HS6ST2: variants seen among roughly 807,000 people sequenced by gnomAD.
HS6ST2 encodes the protein heparan-sulfate 6-O-sulfotransferase 2.
Under a neutral mutation model 33.0 loss-of-function variants are expected in HS6ST2, and 17 were observed. That is an observed-to-expected ratio of 0.52 (90% CI 0.35 to 0.77). The LOEUF (loss-of-function observed/expected upper bound fraction) is 0.77. HS6ST2 is among the 30% of genes least tolerant of loss of function. HS6ST2 has a pLI of 0.01. For synonymous variants in HS6ST2, 248 were observed against 237.1 expected (o/e 1.05, Z -0.42); for missense variants, 519 against 551.7 (o/e 0.94, Z 0.59).
At position 132,958,591 on chromosome X, in the gene HS6ST2, A is replaced by G. The variant is rs932213425; in HGVS notation, c.12T>C (p.Pro4=). The G allele has an allele frequency of 9.4e-6, 11 of 1,170,841 alleles. No homozygotes were observed. Among genetic ancestry groups the G allele is most frequent in the African/African-American group, 1.8e-5 (1 of 56,359 alleles). Residue 4 remains proline, a synonymous_variant, in exon 1 of 5, where the codon CCT becomes CCC. Transcript: ENST00000370833. MAL[P]ACAVREFEPP... is the part of the protein sequence containing the mutation. ...GCTCGAACTCCCGGACTGCACACGC[A>G]GGCAGTGCCATTCCCCCCTTCAGGC...
At position 132,628,510 on chromosome X, in the gene HS6ST2, T is replaced by A. The variant is rs1329431081; in HGVS notation, c.1651A>T (p.Arg551Trp). ...FMRQKEHQEA[R>W]RKRQEQRKFL... Reference sequence around the variant, plus strand: ...TTGCGTTGTTCCTGACGCTTTCGCCTGGCCTCCTGATGCTCTTTCTGCCTC... The same window carrying A: ...TTGCGTTGTTCCTGACGCTTTCGCCAGGCCTCCTGATGCTCTTTCTGCCTC... The change falls in exon 5 of 5, where the codon AGG becomes TGG. Residue 551 changes from arginine (R) to tryptophan (W), a missense_variant. Transcript: ENST00000370833. 2 of 1,211,515 alleles carry A rather than the reference T, an allele frequency of 1.7e-6. No individual in the cohort carries two copies. The highest frequency in any genetic ancestry group is 4.3e-5 in the Admixed American group (2 of 46,013).
At chrX:132,932,200 A>C (rs1602893868) in intron 2 of HS6ST2, among the ~76,000 whole-genome samples, 1 of 108,981 alleles carries the variant, frequency 9.2e-6, no homozygotes, top group African/African-American at 3.3e-5. Flanking sequence ...AAAAAAAAAA[A>C]ATACCCCAGC....
At chrX:132,667,705 G>A (rs752196634) in intron 4 of HS6ST2, 192 of 112,400 alleles carry the variant, frequency 1.7e-3, no homozygotes, top group African/African-American at 5.9e-3. Flanking sequence ...TGGAGATTGT[G>A]CCCTGTGGTT....
chrX:132,898,076 C>T lies in HS6ST2; in HGVS notation c.947+58732G>A, dbSNP rs143461050. On this transcript the variant is annotated intron_variant, in intron 2 of 4. Transcript: ENST00000370833. ...CATTAGATTCTTATAGGAGTGCCAA[C>T]CCTATTGTGAACTCTGCATGCAACG... Among the ~76,000 whole-genome samples, 508 of 109,977 alleles carry T rather than the reference C, an allele frequency of 4.6e-3. 3 individuals are homozygous for T. The highest frequency in any genetic ancestry group is 0.016 in the African/African-American group (479 of 30,256).
At chrX:132,783,595 A>G (rs1468093829) in intron 2 of HS6ST2, among the ~76,000 whole-genome samples, 2 of 110,719 alleles carry the variant, frequency 1.8e-5, no homozygotes, top group African/African-American at 6.6e-5. Flanking sequence ...TTTCCTCAAC[A>G]ATAGCTTTCT....
At chrX:132,765,642 G>A (rs1268951225) in intron 2 of HS6ST2, among the ~76,000 whole-genome samples, 1 of 110,469 alleles carries the variant, frequency 9.1e-6, no homozygotes, top group Non-Finnish European at 1.9e-5. Context: ...GTAAAGACAC[G>A]GTCTCATATT....
rs192296693 is a variant in HS6ST2 at position 132,758,867 on chromosome X, C to T, written c.948-50373G>A. ...CCCCTCCTTTCCCCTTTTCAGCTGACTCATCAAGCCTGTCTCGTCTGCACA... is the reference window on the plus strand; with the variant it reads ...CCCCTCCTTTCCCCTTTTCAGCTGATTCATCAAGCCTGTCTCGTCTGCACA... On this transcript the variant is annotated intron_variant, in intron 2 of 4. Transcript: ENST00000370833. Among the ~76,000 whole-genome samples, 37 of 111,902 alleles carry T rather than the reference C, an allele frequency of 3.3e-4. No individual in the cohort carries two copies. The Middle Eastern group carries it at 0.014, about 42-fold the overall frequency.
At chrX:132,637,943 T>A (rs1452810257) in intron 4 of HS6ST2, among the ~76,000 whole-genome samples, 1 of 72,861 alleles carries the variant, frequency 1.4e-5, no homozygotes, top group Non-Finnish European at 2.5e-5. Context: ...ATATAATATT[T>A]TATATATAAT....
At chrX:132,839,272 G>GTATATATATA (rs748319681) in intron 2 of HS6ST2, among the ~76,000 whole-genome samples, 45 of 62,770 alleles carry the variant, frequency 7.2e-4, no homozygotes, top group East Asian at 1.4e-3. Context: ...TGTAGTGTGT[G>GTATATATATA]TATATATATA....
At chrX:132,722,077 A>G (rs1192332485) in intron 2 of HS6ST2, among the ~76,000 whole-genome samples, 2 of 107,692 alleles carry the variant, frequency 1.9e-5, no homozygotes. Flanking sequence ...AGTCCCAGCT[A>G]CTTGGGAGGC....
At chrX:132,680,095 G>C (rs1428537632) in intron 3 of HS6ST2, among the ~76,000 whole-genome samples, 2 of 107,469 alleles carry the variant, frequency 1.9e-5, no homozygotes, top group Admixed American at 1.0e-4. Context: ...TTAAAGTAAA[G>C]ACAGGCATAG....
chrX:132,801,220 C>T (rs1033770081), intron 2 of HS6ST2, among the ~76,000 whole-genome samples: 4 of 109,964 alleles, frequency 3.6e-5, no homozygotes, highest in African/African-American at 6.6e-5. Context: ...TGCTTGAACC[C>T]GGGAGGCAGA....
chrX:132,710,536 G>T lies in HS6ST2; in HGVS notation c.948-2042C>A, dbSNP rs756114896. 1.3e-4 allele frequency among the ~76,000 whole-genome samples: 14 copies of T among 111,108 alleles called. 1 individual carries two copies. In the South Asian group the frequency reaches 5.4e-3, roughly 43 times the overall value. On this transcript the variant is annotated intron_variant, in intron 2 of 4. Coordinates refer to ENST00000370833, the MANE Select transcript of HS6ST2 (RefSeq NM_001394073.1). ...CTTGTGGAATATTTTTAGGCCATCT[G>T]CTTGGAAAAGAGTTCTACAGAAATA...
At chrX:132,658,558 T>G (rs959972114) in intron 4 of HS6ST2, among the ~76,000 whole-genome samples, 2 of 111,752 alleles carry the variant, frequency 1.8e-5, no homozygotes, top group African/African-American at 3.3e-5. Context: ...CAAAAAATAC[T>G]TTAGGATTTA....
chrX:132,947,945 A>C (rs1473628352), intron 2 of HS6ST2, among the ~76,000 whole-genome samples: 1 of 112,033 alleles, frequency 8.9e-6, no homozygotes, highest in Non-Finnish European at 1.9e-5. Flanking sequence ...TATACTGAAG[A>C]TTTGCAGTTA....
intron 2 of HS6ST2, among the ~76,000 whole-genome samples, chrX:132,836,376 G>A (rs957461689): frequency 1.8e-5 from 2 of 112,615 alleles, no homozygotes; most frequent in Non-Finnish European, 3.8e-5. Flanking sequence ...GTAAACATGA[G>A]GGAGTCTCAA....
At chrX:132,836,053 C>T (rs1357171239) in intron 2 of HS6ST2, among the ~76,000 whole-genome samples, 1 of 112,041 alleles carries the variant, frequency 8.9e-6, no homozygotes, top group African/African-American at 3.2e-5. Context: ...TAAATCTCTA[C>T]ACATTTTTTA....
intron 3 of HS6ST2, among the ~76,000 whole-genome samples, chrX:132,700,855 T>G (rs753261816): frequency 7.2e-5 from 8 of 110,672 alleles, no homozygotes; most frequent in Non-Finnish European, 1.3e-4. Flanking sequence ...AAATCTTGAG[T>G]TTTAGGCTTT....
chrX:132,736,090 C>A (rs1329581593), intron 2 of HS6ST2, among the ~76,000 whole-genome samples: 2 of 110,935 alleles, frequency 1.8e-5, no homozygotes, highest in Non-Finnish European at 3.8e-5. Context: ...AGTGATCCAC[C>A]CGCCTCGGCC....
Sources: allele counts gnomAD v4.1 joint callset (sites outside exome capture counted in the v4.1 genomes callset), GRCh38; gene constraint gnomAD v4.1.1; transcripts MANE v1.5; gene names NCBI Gene and HGNC (gene_info 2026-07-23, HGNC 2026-07-21).